POM121C: variants seen among roughly 807,000 people sequenced by gnomAD.
The protein encoded by POM121C is nuclear envelope pore membrane protein POM 121C.
POM121C carries 20 observed loss-of-function variants against 66.4 expected under a neutral mutation model. The ratio of observed to expected loss-of-function variants is 0.30; its 90% CI spans 0.21 to 0.44. The LOEUF (loss-of-function observed/expected upper bound fraction) is 0.44. Ranked by LOEUF, POM121C falls within the 20% of genes least tolerant of loss-of-function variation. POM121C has a pLI of 1.00. For synonymous variants in POM121C, 286 were observed against 528.0 expected (o/e 0.54, Z 6.28); for missense variants, 580 against 1,225.7 (o/e 0.47, Z 7.87).
chr7:75,430,148 G>T (rs1173353456), intron 7 of POM121C, among the ~76,000 whole-genome samples: 13 of 151,970 alleles, frequency 8.6e-5, no homozygotes, highest in Admixed American at 2.6e-4. Flanking sequence ...ACTTTTTTTT[G>T]TGTGTGTGGA....
rs587723863 is a variant in POM121C at position 75,430,331 on chromosome 7, A to G, written c.481-3878T>C. ...AGTAAGAAAAATAGTCCAATGGAACAAAAGAAAGTCTAGAAATGGACCCAC... is the reference window on the plus strand; with the variant it reads ...AGTAAGAAAAATAGTCCAATGGAACGAAAGAAAGTCTAGAAATGGACCCAC... On this transcript the variant is annotated intron_variant, in intron 7 of 14. Transcript: ENST00000615331. Among the ~76,000 whole-genome samples, 75 of 152,332 alleles carry G rather than the reference A, an allele frequency of 4.9e-4. 1 individual carries two copies. The highest frequency in any genetic ancestry group is 4.8e-3 in the Admixed American group (74 of 15,288).
At chr7:75,450,543 T>A (rs1790987552) in intron 3 of POM121C, among the ~76,000 whole-genome samples, 1 of 152,180 alleles carries the variant, frequency 6.6e-6, no homozygotes, top group African/African-American at 2.4e-5. Flanking sequence ...AAAGCTGTGG[T>A]GCAAAGGCAA....
At chr7:75,419,550 C>T (rs587611565) in intron 13 of POM121C, 108 bp from the exon 14 acceptor site, 1 of 1,324,902 alleles carries the variant, frequency 7.5e-7, no homozygotes, top group South Asian at 1.5e-5. Flanking sequence ...GACCCTCAGC[C>T]CCACTTCTGC....
At chr7:75,458,782 C>T (rs1791341519) in intron 3 of POM121C, among the ~76,000 whole-genome samples, 1 of 151,962 alleles carries the variant, frequency 6.6e-6, no homozygotes, top group Admixed American at 6.6e-5. Context: ...ATACTAAGAA[C>T]CAGAAAAATC....
intron 7 of POM121C, among the ~76,000 whole-genome samples, chr7:75,432,616 A>T (rs1790226474): frequency 3.3e-5 from 5 of 152,334 alleles, no homozygotes; most frequent in African/African-American, 1.2e-4. Context: ...TGGTGGTTAC[A>T]ATTTGTTTTT....
At chr7:75,482,187 G>A (rs1281553027) in intron 1 of POM121C, among the ~76,000 whole-genome samples, 2 of 152,066 alleles carry the variant, frequency 1.3e-5, no homozygotes, top group African/African-American at 2.4e-5. Context: ...TGAGCACGCA[G>A]GAGACATACT....
chr7:75,430,692 CT>C (rs782755939), intron 7 of POM121C, among the ~76,000 whole-genome samples: 2 of 152,148 alleles, frequency 1.3e-5, no homozygotes, highest in Non-Finnish European at 2.9e-5. Context: ...GAGCAGGACA[CT>C]TTTGTTGTAA....
chr7:75,429,536 C>T (rs1348368370), intron 7 of POM121C, among the ~76,000 whole-genome samples: 9 of 152,168 alleles, frequency 5.9e-5, no homozygotes. Context: ...AACGCTGAGG[C>T]AGGAGAATCA....
intron 3 of POM121C, among the ~76,000 whole-genome samples, chr7:75,450,012 C>CA (rs1334688744): frequency 6.6e-6 from 1 of 151,476 alleles, no homozygotes; most frequent in African/African-American, 2.4e-5. Context: ...GACTCCATCT[C>CA]AAAAAAACAC....
intron 7 of POM121C, among the ~76,000 whole-genome samples, chr7:75,430,276 T>G (rs1790114533): frequency 6.6e-6 from 1 of 151,846 alleles, no homozygotes; most frequent in Non-Finnish European, 1.5e-5. Context: ...AGTATAAGGG[T>G]AGGGGTAAAA....
chr7:75,475,242 A>C (rs1792033186), intron 1 of POM121C, 54 bp from the exon 2 acceptor site: 1 of 1,121,900 alleles, frequency 8.9e-7, no homozygotes, highest in African/African-American at 1.5e-5. Flanking sequence ...ATAGGGGGAT[A>C]ACATTTTACA....
At chr7:75,468,227 A>G (rs1418614957) in intron 3 of POM121C, among the ~76,000 whole-genome samples, 4 of 150,556 alleles carry the variant, frequency 2.7e-5, no homozygotes, top group Non-Finnish European at 5.9e-5. Flanking sequence ...CACCCGCTCC[A>G]GTCGGAGACA....
At position 75,460,155 on chromosome 7, in the gene POM121C, C is replaced by T. The variant is rs1554476811; in HGVS notation, c.-152+14549G>A. On this transcript the variant is annotated intron_variant, in intron 3 of 14. Coordinates refer to ENST00000615331, the MANE Select transcript of POM121C (RefSeq NM_001099415.3). ...CCGTCCAAAATTAAATATAAATCTT[C>T]TAAACACAGCAATCAAAAAGGTTGT... Among the ~76,000 whole-genome samples the T allele has an allele frequency of 4.1e-5, 6 of 144,912 alleles. No homozygotes were observed. The East Asian group carries it at 1.2e-3, about 29-fold the overall frequency.
rs1363106159 is a variant in POM121C, at chr7:75,424,051, G to C, written c.1046C>G (p.Pro349Arg). The change falls in exon 12 of 15, where the codon CCA becomes CGA. Residue 349 changes from proline to arginine, a missense_variant and splice_region_variant. Coordinates refer to ENST00000615331, the MANE Select transcript of POM121C (RefSeq NM_001099415.3). The stretch of plus-strand genomic sequence containing the variant: ...TCCACGGCCCCACTCCAGCTCACCT[G>C]GGCAGGGTGGCAGGCTCGGGGGAGT... ...MQTPPSLPPC[P>R]ESAGAATTEA... 1 of 1,611,182 alleles carries C rather than the reference G, an allele frequency of 6.2e-7. No individual in the cohort carries two copies. The highest frequency in any genetic ancestry group is 1.3e-5 in the African/African-American group (1 of 74,744).
At chr7:75,433,645 C>A (rs782500682) in intron 7 of POM121C, among the ~76,000 whole-genome samples, 54 of 152,184 alleles carry the variant, frequency 3.5e-4, no homozygotes, top group Admixed American at 5.9e-4. Flanking sequence ...AGGCGTGAGC[C>A]ACTGTGCCTG....
In POM121C at chr7:75,425,575, C is replaced by T. The variant is rs1323056286; in HGVS notation, c.646+60G>A. 5 of 1,498,706 alleles carry T rather than the reference C, an allele frequency of 3.3e-6. No homozygotes were observed. In the Admixed American group the frequency reaches 6.7e-5, roughly 20 times the overall value. The allele number at this position is 1,498,706 out of a possible 1,614,324, so 92.8% of individuals were successfully genotyped here. On this transcript the variant is annotated intron_variant, in intron 9 of 14. Transcript: ENST00000615331. Reference sequence around the variant, plus strand: ...TTTTTTCAATAGGTATTAATCTCTACATCCTCCACAAATACCTCCACCACC... The same window carrying T: ...TTTTTTCAATAGGTATTAATCTCTATATCCTCCACAAATACCTCCACCACC...
chr7:75,463,229 C>G (rs1791506854), intron 3 of POM121C, among the ~76,000 whole-genome samples: 1 of 152,108 alleles, frequency 6.6e-6, no homozygotes, highest in Non-Finnish European at 1.5e-5. Flanking sequence ...CCTGTAATCC[C>G]TGCTACTCAG....
At chr7:75,476,092 C>T (rs1485118925) in intron 1 of POM121C, among the ~76,000 whole-genome samples, 1 of 152,064 alleles carries the variant, frequency 6.6e-6, no homozygotes, top group Non-Finnish European at 1.5e-5. Context: ...CCAGGTTGGG[C>T]AACATAGTAA....
At chr7:75,423,973 G>A in intron 12 of POM121C, 76 bp downstream of exon 12, 3 of 1,525,096 alleles carry the variant, frequency 2.0e-6, no homozygotes, top group East Asian at 2.3e-5. Flanking sequence ...GCGACTGACA[G>A]GCACGACGCC....
Sources: allele counts gnomAD v4.1 joint callset (sites outside exome capture counted in the v4.1 genomes callset), GRCh38; gene constraint gnomAD v4.1.1; transcripts MANE v1.5; gene names NCBI Gene and HGNC (gene_info 2026-07-23, HGNC 2026-07-21).